The following SLIT3 variants were observed in gnomAD, a reference collection of about 807,000 sequenced individuals.
SLIT3 encodes the protein slit homolog 3 protein.
In SLIT3, 68 loss-of-function variants were observed where a neutral mutation model predicts 184.0. The ratio of observed to expected loss-of-function variants is 0.37; its 90% confidence interval spans 0.30 to 0.45. SLIT3 has a LOEUF of 0.45. SLIT3 is among the 20% of genes least tolerant of loss of function. The pLI is 1.00. For synonymous variants in SLIT3, 831 were observed against 828.6 expected, an observed-to-expected ratio of 1.00 and a Z score of -0.05; for missense variants, 1,707 against 2,026.0, an observed-to-expected ratio of 0.84 and a Z score of 3.02.
In SLIT3 at chr5:169,264,367, T is replaced by C. The variant is rs191192817; in HGVS notation, c.198-12908A>G. On this transcript the variant is annotated intron_variant, in intron 1 of 35. Transcript: ENST00000519560. ...TACCACCATGCCTGGCTAATTTTAG[T>C]AGAGATAGGGTTTCACCATGTTGGC... Among the ~76,000 whole-genome samples the C allele has an allele frequency of 1.6e-4, 24 of 152,216 alleles. No individual in the cohort carries two copies. The East Asian group carries it at 3.9e-3, about 24-fold the overall frequency.
chr5:169,251,486 G>C, intron 1 of SLIT3, 27 bp from the exon 2 acceptor site: 1 of 1,503,674 alleles, frequency 6.7e-7, no homozygotes, highest in Non-Finnish European at 9.3e-7. Context: ...ATTCAGGTCA[G>C]ATTTTTGTGG....
chr5:168,894,992 T>C (rs1760612796), intron 4 of SLIT3, among the ~76,000 whole-genome samples: 1 of 152,086 alleles, frequency 6.6e-6, no homozygotes, highest in Non-Finnish European at 1.5e-5. Flanking sequence ...TCCAGGCAAA[T>C]TGTCTAAAAG....
In SLIT3 at chr5:168,686,959, G is replaced by T; in HGVS notation, c.3314+20C>A. 6.2e-7 allele frequency: 1 copy of T among 1,608,754 alleles called. No homozygotes were observed. The highest frequency in any genetic ancestry group is 8.5e-7 in the Non-Finnish European group (1 of 1,175,616). ...ACCTGGCCCAGGCTGTCTCCTTCCT[G>T]AGGTGCCCTCCTGCCTTACCTGAAG... On this transcript the variant is annotated intron_variant, in intron 30 of 35. Coordinates refer to ENST00000519560, the MANE Select transcript of SLIT3 (RefSeq NM_003062.4).
chr5:168,822,722 G>A (rs768575435), intron 7 of SLIT3, among the ~76,000 whole-genome samples: 2 of 152,232 alleles, frequency 1.3e-5, no homozygotes, highest in East Asian at 1.9e-4. Flanking sequence ...TGAGAAAGAC[G>A]GCATTCTAAT....
At chr5:169,155,394 A>ATCTGAAAT (rs1312324991) in intron 4 of SLIT3, among the ~76,000 whole-genome samples, 1 of 152,238 alleles carries the variant, frequency 6.6e-6, no homozygotes, top group Admixed American at 6.5e-5. Flanking sequence ...AACATCATGC[A>ATCTGAAAT]TAATTTGGAT....
At chr5:169,092,947 C>A (rs1016942286) in intron 4 of SLIT3, among the ~76,000 whole-genome samples, 1 of 152,180 alleles carries the variant, frequency 6.6e-6, no homozygotes, top group African/African-American at 2.4e-5. Context: ...CGGCTTATTT[C>A]TAAGTGGATG....
In SLIT3 at chr5:168,935,132, C is replaced by T. The variant is rs1385499297; in HGVS notation, c.414-51796G>A. Among the ~76,000 whole-genome samples the T allele has an allele frequency of 2.6e-3, 325 of 123,032 alleles. 3 individuals carry two copies. The highest frequency in any genetic ancestry group is 9.9e-3 in the African/African-American group (308 of 31,254). The allele number at this position is 123,032 out of a possible 152,430, so 80.7% of individuals were successfully genotyped here. On this transcript the variant is annotated intron_variant, in intron 4 of 35. Transcript: ENST00000519560. ...CAGCCTGGGTGACAGAGCAAGACTC[C>T]GTCTCAAAAAAAAAAAACAAAAAAA... is the stretch of plus-strand genomic sequence containing the variant.
At chr5:168,837,094 A>C (rs972331951) in intron 6 of SLIT3, among the ~76,000 whole-genome samples, 1 of 152,182 alleles carries the variant, frequency 6.6e-6, no homozygotes, top group Non-Finnish European at 1.5e-5. Flanking sequence ...GTTGAGTGGC[A>C]CGAGAGCATT....
At chr5:169,203,607 T>C (rs1763972961) in intron 3 of SLIT3, among the ~76,000 whole-genome samples, 1 of 152,156 alleles carries the variant, frequency 6.6e-6, no homozygotes, top group Non-Finnish European at 1.5e-5. Context: ...CTTGCAGCTT[T>C]CCCCGGATCA....
chr5:169,062,667 T>G (rs374278464), intron 4 of SLIT3, among the ~76,000 whole-genome samples: 40 of 152,356 alleles, frequency 2.6e-4, no homozygotes, highest in African/African-American at 9.4e-4. Flanking sequence ...CATTTACTCA[T>G]GTGTTTGGTT....
At chr5:168,864,043 A>G (rs1341835237) in intron 5 of SLIT3, among the ~76,000 whole-genome samples, 1 of 91,510 alleles carries the variant, frequency 1.1e-5, no homozygotes, top group Non-Finnish European at 2.3e-5. Flanking sequence ...AAAAAAATAC[A>G]AAAAAAAAAA....
chr5:168,748,356 C>A lies in SLIT3; in HGVS notation c.2216G>T (p.Ser739Ile). 6.7e-7 allele frequency: 1 copy of A among 1,501,350 alleles called. No individual in the cohort carries two copies. Among genetic ancestry groups the A allele is most frequent in the Non-Finnish European group, 8.8e-7 (1 of 1,132,954 alleles). 93.0% of individuals were successfully genotyped at this position (1,501,350 alleles called of 1,614,324 possible). ...CTCMETVVRC[S>I]NKGLRALPRG... Reference sequence around the variant, plus strand: ...GGGGAGGGCGCGGAGCCCCTTGTTGCTGCATCGCACCACTGTCTCCATACA... The same window carrying A: ...GGGGAGGGCGCGGAGCCCCTTGTTGATGCATCGCACCACTGTCTCCATACA... Residue 739 changes from serine to isoleucine, a missense_variant, in exon 20 of 36, where the codon AGC (serine) becomes ATC (isoleucine). Transcript: ENST00000519560.
chr5:169,111,568 A>G (rs1013517474), intron 4 of SLIT3, among the ~76,000 whole-genome samples: 2 of 152,168 alleles, frequency 1.3e-5, no homozygotes, highest in Non-Finnish European at 1.5e-5. Context: ...CCTGGCCAAC[A>G]TGATGAAACC....
At chr5:169,000,673 A>G (rs1488443858) in intron 4 of SLIT3, among the ~76,000 whole-genome samples, 1 of 152,212 alleles carries the variant, frequency 6.6e-6, no homozygotes, top group Admixed American at 6.5e-5. Context: ...AGATCTGGTC[A>G]GTATCAAACT....
intron 4 of SLIT3, among the ~76,000 whole-genome samples, chr5:169,030,755 T>C (rs995962960): frequency 9.2e-5 from 14 of 152,200 alleles, no homozygotes; most frequent in African/African-American, 2.9e-4. Flanking sequence ...AACAATCATA[T>C]GAGTTAAGGA....
chr5:169,234,131 G>A (rs1765107256), intron 3 of SLIT3, among the ~76,000 whole-genome samples: 1 of 152,202 alleles, frequency 6.6e-6, no homozygotes, highest in Non-Finnish European at 1.5e-5. Flanking sequence ...AACAATAAAA[G>A]TATATTTGTT....
intron 5 of SLIT3, among the ~76,000 whole-genome samples, chr5:168,871,204 C>CT (rs1759506353): frequency 6.6e-6 from 1 of 152,188 alleles, no homozygotes; most frequent in Non-Finnish European, 1.5e-5. Flanking sequence ...CAGCACATGT[C>CT]TTTTTTCTTA....
At chr5:169,049,064 T>C (rs1394522418) in intron 4 of SLIT3, among the ~76,000 whole-genome samples, 2 of 152,088 alleles carry the variant, frequency 1.3e-5, no homozygotes, top group East Asian at 1.9e-4. Context: ...GAAAAGTCAA[T>C]AGCCTGTGAG....
intron 4 of SLIT3, among the ~76,000 whole-genome samples, chr5:169,161,115 A>C (rs1762463547): frequency 6.6e-6 from 1 of 152,144 alleles, no homozygotes; most frequent in Admixed American, 6.5e-5. Flanking sequence ...GCCAGCACTC[A>C]CATCTAGGGA....
Sources: gnomAD v4.1 joint callset for allele counts (sites outside exome capture counted in the v4.1 genomes callset) on GRCh38, gnomAD v4.1.1 for gene constraint, MANE v1.5 for transcripts, NCBI Gene and HGNC (gene_info 2026-07-23, HGNC 2026-07-21) for gene names.